Variants in PTK2 observed in about 807,000 individuals in gnomAD.
The protein encoded by PTK2 is protein tyrosine kinase 2.
In PTK2, 45 loss-of-function variants were observed where a neutral mutation model predicts 150.1. That is an observed-to-expected ratio of 0.30 (90% CI 0.24 to 0.38). The LOEUF is 0.38. PTK2 is among the 10% of genes least tolerant of loss of function. The pLI, the probability that PTK2 is intolerant of heterozygous loss-of-function variation, is 1.00. For missense variants in PTK2, 919 were observed against 1,307.3 expected (o/e 0.70, Z 4.58); for synonymous variants, 432 against 449.2 (o/e 0.96, Z 0.48).
chr8:140,942,468 A>T (rs1247514471), intron 1 of PTK2, among the ~76,000 whole-genome samples: 1 of 152,214 alleles, frequency 6.6e-6, no homozygotes, highest in African/African-American at 2.4e-5. Context: ...TTAGGCCACA[A>T]ATAAATCAGA....
chr8:140,927,940 GAAAAAAA>G (rs779534564), intron 1 of PTK2, among the ~76,000 whole-genome samples: 5 of 36,284 alleles, frequency 1.4e-4, no homozygotes, highest in East Asian at 8.2e-4. Flanking sequence ...ATCTCAAAAA[GAAAAAAA>G]AAAAAAAAAA....
chr8:140,894,178 A>G (rs2100155182), intron 2 of PTK2, among the ~76,000 whole-genome samples: 1 of 152,156 alleles, frequency 6.6e-6, no homozygotes, highest in African/African-American at 2.4e-5. Context: ...TGCCCTTGTG[A>G]AAGTCCAAGA....
At chr8:140,876,522 T>C (rs771699110) in intron 4 of PTK2, among the ~76,000 whole-genome samples, 1 of 62,260 alleles carries the variant, frequency 1.6e-5, no homozygotes, top group Non-Finnish European at 4.5e-5. Context: ...TTTAGTTTTA[T>C]TGACTCTATT....
intron 1 of PTK2, among the ~76,000 whole-genome samples, chr8:140,927,940 GAAAAAA>G (rs779534564): frequency 5.5e-5 from 2 of 36,274 alleles, no homozygotes; most frequent in Admixed American, 4.6e-4. Context: ...ATCTCAAAAA[GAAAAAA>G]AAAAAAAAAA....
At chr8:140,808,480 G>C (rs776896867) in intron 10 of PTK2, among the ~76,000 whole-genome samples, 15 of 151,944 alleles carry the variant, frequency 9.9e-5, no homozygotes, top group Non-Finnish European at 2.2e-4. Context: ...AAACTCAAAA[G>C]GAAAACATAT....
Position 140,920,870 on chromosome 8 carries a change from C to T in PTK2, c.-33+4791G>A. 3 of 1,529,358 alleles carry T rather than the reference C, an allele frequency of 2.0e-6. No homozygotes were observed. In the South Asian group the frequency reaches 3.6e-5, roughly 18 times the overall value. The allele number at this position is 1,529,358 out of a possible 1,614,324, so 94.7% of individuals were successfully genotyped here. A position where few individuals can be genotyped will look rare whatever the true frequency, so the allele number is the denominator to read the frequency against. On this transcript the variant is annotated intron_variant, in intron 2 of 31. Transcript: ENST00000522684. Reference sequence around the variant, plus strand: ...TCCGCTTTTCTCCATATAGATGGCACCTGCTGGTTTCAGGGCCTCTTGGCC... The same window carrying T: ...TCCGCTTTTCTCCATATAGATGGCATCTGCTGGTTTCAGGGCCTCTTGGCC...
intron 10 of PTK2, among the ~76,000 whole-genome samples, chr8:140,814,800 A>G (rs1403608217): frequency 3.4e-5 from 5 of 147,404 alleles, no homozygotes; most frequent in African/African-American, 1.0e-4. Flanking sequence ...TTTGAGACGG[A>G]GTCTCGCTCT....
At chr8:140,770,125 T>A (rs926869853) in intron 14 of PTK2, among the ~76,000 whole-genome samples, 2 of 152,214 alleles carry the variant, frequency 1.3e-5, no homozygotes, top group Admixed American at 1.3e-4. Context: ...GGGAGTGCAG[T>A]ACTTGAAGCT....
intron 7 of PTK2, among the ~76,000 whole-genome samples, chr8:140,846,053 C>T (rs373792649): frequency 5.9e-4 from 89 of 152,086 alleles, no homozygotes; most frequent in African/African-American, 1.9e-3. Context: ...TGTTAATGGG[C>T]CATATACAAT....
At chr8:140,694,308 T>C (rs973283470) in intron 26 of PTK2, among the ~76,000 whole-genome samples, 2 of 152,180 alleles carry the variant, frequency 1.3e-5, no homozygotes, top group African/African-American at 4.8e-5. Context: ...CCCAAAATGC[T>C]GGGATTACAG....
intron 16 of PTK2, among the ~76,000 whole-genome samples, chr8:140,757,476 T>C (rs186642810): frequency 2.0e-5 from 3 of 152,260 alleles, no homozygotes; most frequent in East Asian, 3.9e-4. Context: ...CTTCCAAAAG[T>C]GAACTAATTT....
chr8:140,804,532 C>G (rs1404290722), intron 10 of PTK2, among the ~76,000 whole-genome samples: 2 of 152,020 alleles, frequency 1.3e-5, no homozygotes, highest in Non-Finnish European at 2.9e-5. Context: ...TCAGTGAGAC[C>G]CTTCTTCAAA....
chr8:140,934,437 A>T (rs2100172934), intron 1 of PTK2: 1 of 141,216 alleles, frequency 7.1e-6, no homozygotes, highest in Non-Finnish European at 1.6e-5. Flanking sequence ...AAATAAAAAA[A>T]TAAATTTTTT....
chr8:140,770,920 T>C, intron 14 of PTK2, 121 bp from the exon 15 acceptor site: 2 of 299,066 alleles, frequency 6.7e-6, no homozygotes, highest in South Asian at 8.6e-5. Context: ...GCAATGCTTT[T>C]ATTTTGACTA....
chr8:140,746,725 TG>T, intron 18 of PTK2, 34 bp downstream of exon 21: 1 of 1,474,294 alleles, frequency 6.8e-7, no homozygotes, highest in Non-Finnish European at 9.3e-7. Flanking sequence ...TATCAAACGC[TG>T]AGTCCAGAAG....
At chr8:140,660,941 A>C (rs2078873583) in intron 31 of PTK2, among the ~76,000 whole-genome samples, 1 of 152,244 alleles carries the variant, frequency 6.6e-6, no homozygotes, top group African/African-American at 2.4e-5. Context: ...GGATACAAGG[A>C]GGAAGACCTG....
chr8:140,771,737 T>G (rs755589923), intron 14 of PTK2, among the ~76,000 whole-genome samples: 4 of 152,060 alleles, frequency 2.6e-5, no homozygotes. Flanking sequence ...AAATGTACAC[T>G]TCAGTAATAT....
At chr8:141,000,359 G>A (rs1035650852) in intron 1 of PTK2, among the ~76,000 whole-genome samples, 2 of 152,216 alleles carry the variant, frequency 1.3e-5, no homozygotes, top group African/African-American at 4.8e-5. Context: ...GGACACGGCG[G>A]GCTTGGGGCT....
intron 7 of PTK2, among the ~76,000 whole-genome samples, chr8:140,837,919 G>T (rs28707522): frequency 6.6e-6 from 1 of 151,738 alleles, no homozygotes; most frequent in Non-Finnish European, 1.5e-5. Flanking sequence ...AAAATTAGCC[G>T]GGCACAGTGG....
Sources: gnomAD v4.1 joint callset for allele counts (sites outside exome capture counted in the v4.1 genomes callset) on GRCh38, gnomAD v4.1.1 for gene constraint, MANE v1.5 for transcripts, NCBI Gene and HGNC (gene_info 2026-07-23, HGNC 2026-07-21) for gene names.